FRMD4A: variants seen among roughly 807,000 people sequenced by gnomAD.
The protein encoded by FRMD4A is FERM domain containing 4A, also known as FERM domain-containing protein 4A.
FRMD4A carries 29 observed loss-of-function variants against 129.1 expected under a neutral mutation model. That is an observed-to-expected ratio of 0.22 (90% CI 0.17 to 0.31). The LOEUF is 0.31. Ranked by LOEUF, FRMD4A falls within the 10% of genes least tolerant of loss-of-function variation. The pLI, the probability that FRMD4A is intolerant of heterozygous loss-of-function variation, is 1.00. For synonymous variants in FRMD4A, 634 were observed against 571.6 expected (o/e 1.11, Z -1.56); for missense variants, 1,272 against 1,375.8 (o/e 0.92, Z 1.19).
chr10:13,979,354 A>G (rs1442413729), intron 2 of FRMD4A, among the ~76,000 whole-genome samples: 2 of 152,280 alleles, frequency 1.3e-5, no homozygotes, highest in Non-Finnish European at 2.9e-5. Context: ...GCCTAGAGTC[A>G]CTTCCTTTTC....
chr10:13,845,222 C>T (rs1017223711), intron 3 of FRMD4A, among the ~76,000 whole-genome samples: 4 of 152,154 alleles, frequency 2.6e-5, no homozygotes, highest in African/African-American at 9.7e-5. Context: ...AGTATGAACA[C>T]ATGTGCATAT....
At chr10:14,289,467 T>A (rs1353957138) in intron 2 of FRMD4A, among the ~76,000 whole-genome samples, 1 of 152,178 alleles carries the variant, frequency 6.6e-6, no homozygotes, top group Non-Finnish European at 1.5e-5. Flanking sequence ...AGTTTTTAAT[T>A]GGGTTATCGT....
chr10:13,932,079 C>A (rs1589314861), intron 2 of FRMD4A, among the ~76,000 whole-genome samples: 1 of 152,186 alleles, frequency 6.6e-6, no homozygotes, highest in African/African-American at 2.4e-5. Flanking sequence ...CCCACAGAAT[C>A]GTAGAGATGT....
chr10:13,652,444 TAG>T (rs2134496689), intron 23 of FRMD4A: 1 of 166,474 alleles, frequency 6.0e-6, no homozygotes, highest in African/African-American at 2.4e-5. Flanking sequence ...TTGGAAGATC[TAG>T]AGAGGGATCT....
At chr10:13,865,032 T>C (rs1326662938) in intron 2 of FRMD4A, among the ~76,000 whole-genome samples, 25 of 152,102 alleles carry the variant, frequency 1.6e-4, no homozygotes, top group Non-Finnish European at 5.9e-5. Flanking sequence ...TGGTGTGCAA[T>C]GGTGTGATCT....
intron 3 of FRMD4A, among the ~76,000 whole-genome samples, chr10:13,819,287 A>G (rs1337189192): frequency 6.6e-6 from 1 of 152,132 alleles, no homozygotes; most frequent in Non-Finnish European, 1.5e-5. Context: ...TTTCTGTTCA[A>G]TCTATTTGAT....
chr10:13,712,140 C>G (rs1417145314), intron 12 of FRMD4A: 1 of 152,194 alleles, frequency 6.6e-6, no homozygotes, highest in African/African-American at 2.4e-5. Flanking sequence ...CTCTAGTTTT[C>G]TATACAGCAA....
intron 3 of FRMD4A, among the ~76,000 whole-genome samples, chr10:13,841,255 A>G (rs1222429105): frequency 2.0e-5 from 3 of 152,208 alleles, no homozygotes; most frequent in Admixed American, 6.5e-5. Flanking sequence ...ATTAGCTACT[A>G]TTTTAAAATA....
rs71388124 is a variant in FRMD4A, at chr10:13,874,245, CAA to C, written c.46-15335_46-15334del. Reference sequence around the variant, plus strand: ...TGGGTGACAGAGTGAGACACTGTCTCAAAAAAAAAAAAAAAAAAAAAAAGAGG... The same window carrying C: ...TGGGTGACAGAGTGAGACACTGTCTCAAAAAAAAAAAAAAAAAAAAAGAGG... On this transcript the variant is annotated intron_variant, in intron 2 of 24. Transcript: ENST00000357447. Among the ~76,000 whole-genome samples the C allele has an allele frequency of 4.1e-3, 311 of 76,390 alleles. 1 individual carries two copies. Among genetic ancestry groups the C allele is most frequent in the Middle Eastern group, 0.016 (2 of 128 alleles). The allele number at this position is 76,390 out of a possible 152,430, so 50.1% of individuals were successfully genotyped here.
At position 13,866,327 on chromosome 10, in the gene FRMD4A, C is replaced by T. The variant is rs1033198775; in HGVS notation, c.46-7415G>A. 1.6e-5 allele frequency: 15 copies of T among 956,432 alleles called. No homozygotes were observed. In the Admixed American group the frequency reaches 2.5e-4, roughly 16 times the overall value. 59.2% of individuals were successfully genotyped at this position (956,432 alleles called of 1,614,324 possible). On this transcript the variant is annotated intron_variant, in intron 2 of 24. Transcript: ENST00000357447. ...CAGGACACCCTGAGGATGTCGGATG[C>T]GGGACAGCAGCCCCTCATGATCTGA...
chr10:13,918,306 G>A (rs907629461), intron 2 of FRMD4A, among the ~76,000 whole-genome samples: 3 of 152,070 alleles, frequency 2.0e-5, no homozygotes, highest in South Asian at 2.1e-4. Context: ...GCTAAATGAC[G>A]TCTCCAGTCT....
intron 2 of FRMD4A, among the ~76,000 whole-genome samples, chr10:14,320,505 T>G (rs1207115831): frequency 1.3e-5 from 2 of 152,214 alleles, no homozygotes; most frequent in African/African-American, 4.8e-5. Flanking sequence ...CTTTTCAAAA[T>G]AGCTTAACGC....
intron 3 of FRMD4A, among the ~76,000 whole-genome samples, chr10:13,850,427 G>A (rs1226129081): frequency 2.6e-5 from 4 of 152,154 alleles, no homozygotes; most frequent in Non-Finnish European, 5.9e-5. Context: ...ACAGGAAGGC[G>A]ACCATTATTT....
intron 12 of FRMD4A, among the ~76,000 whole-genome samples, chr10:13,712,577 A>C (rs1314197434): frequency 6.6e-6 from 1 of 151,702 alleles, no homozygotes; most frequent in Admixed American, 6.6e-5. Flanking sequence ...CGTGAAACAA[A>C]ACTTAGAGGA....
At chr10:13,945,872 G>T (rs2131321117) in intron 2 of FRMD4A, among the ~76,000 whole-genome samples, 1 of 152,278 alleles carries the variant, frequency 6.6e-6, no homozygotes, top group East Asian at 1.9e-4. Flanking sequence ...CATGACTGCA[G>T]GCTTCAAGGA....
chr10:13,718,531 C>T (rs2089097395), intron 12 of FRMD4A, among the ~76,000 whole-genome samples: 1 of 152,208 alleles, frequency 6.6e-6, no homozygotes, highest in African/African-American at 2.4e-5. Context: ...ATCTGCTCTG[C>T]GAGGTTTCCT....
At chr10:14,003,003 C>T (rs1475725795) in intron 2 of FRMD4A, among the ~76,000 whole-genome samples, 1 of 152,074 alleles carries the variant, frequency 6.6e-6, no homozygotes, top group Non-Finnish European at 1.5e-5. Flanking sequence ...TTAGGAAAGG[C>T]CTTGTGATTT....
intron 2 of FRMD4A, among the ~76,000 whole-genome samples, chr10:14,288,675 A>G (rs1845758662): frequency 1.3e-5 from 2 of 152,218 alleles, no homozygotes. Context: ...TTAATTGTTA[A>G]CAATATAGCT....
intron 2 of FRMD4A, among the ~76,000 whole-genome samples, chr10:13,902,839 C>CAAA (rs113445035): frequency 7.2e-5 from 7 of 97,064 alleles, no homozygotes; most frequent in Non-Finnish European, 9.4e-5. Flanking sequence ...GATGCAGTCT[C>CAAA]AAAAAAAAAA....
Sources: allele counts gnomAD v4.1 joint callset (sites outside exome capture counted in the v4.1 genomes callset), GRCh38; gene constraint gnomAD v4.1.1; transcripts MANE v1.5; gene names NCBI Gene and HGNC (gene_info 2026-07-23, HGNC 2026-07-21).